GRID1: variants seen among roughly 807,000 people sequenced by gnomAD.
GRID1 encodes the protein glutamate receptor ionotropic, delta-1.
In GRID1, 28 loss-of-function variants were observed where a neutral mutation model predicts 98.0. The observed-to-expected ratio is 0.29, with a 90% CI of 0.21 to 0.39. The LOEUF is 0.39. GRID1 is among the 10% of genes least tolerant of loss of function. GRID1 has a pLI of 1.00. For missense variants in GRID1, 1,111 were observed against 1,340.5 expected (o/e 0.83, Z 2.67); for synonymous variants, 553 against 538.5 (o/e 1.03, Z -0.37).
intron 2 of GRID1, among the ~76,000 whole-genome samples, chr10:86,341,448 A>G (rs1287673682): frequency 6.6e-6 from 1 of 152,034 alleles, no homozygotes; most frequent in Non-Finnish European, 1.5e-5. Flanking sequence ...GCTTAGGGAA[A>G]TGCTTAACCA....
chr10:85,627,938 C>A (rs543217070), intron 13 of GRID1, among the ~76,000 whole-genome samples: 1 of 152,188 alleles, frequency 6.6e-6, no homozygotes, highest in Non-Finnish European at 1.5e-5. Context: ...CACTCCCCCA[C>A]CTTCACCAAG....
intron 5 of GRID1, among the ~76,000 whole-genome samples, chr10:85,884,558 T>C (rs554768442): frequency 6.5e-4 from 99 of 152,318 alleles, no homozygotes; most frequent in African/African-American, 2.3e-3. Flanking sequence ...ACTGAAAGAA[T>C]GTAAACATTC....
intron 4 of GRID1, among the ~76,000 whole-genome samples, chr10:85,949,097 A>C (rs2131842516): frequency 6.6e-6 from 1 of 152,298 alleles, no homozygotes; most frequent in East Asian, 1.9e-4. Flanking sequence ...TGCTTCTCCC[A>C]GGAGGGTACT....
At chr10:85,706,516 C>T (rs979748486) in intron 12 of GRID1, among the ~76,000 whole-genome samples, 3 of 152,064 alleles carry the variant, frequency 2.0e-5, no homozygotes, top group African/African-American at 7.2e-5. Flanking sequence ...GAATCAATAT[C>T]GTGAAAATGG....
chr10:85,815,516 T>C (rs542291391), intron 8 of GRID1, among the ~76,000 whole-genome samples: 1 of 152,142 alleles, frequency 6.6e-6, no homozygotes, highest in East Asian at 1.9e-4. Context: ...TATATTAAAA[T>C]CTACTAGTAA....
At position 86,325,714 on chromosome 10, in the gene GRID1, T is replaced by C. The variant is rs187941658; in HGVS notation, c.235+38227A>G. Among the ~76,000 whole-genome samples the C allele has an allele frequency of 1.7e-3, 257 of 152,310 alleles. 2 individuals are homozygous for C. Among genetic ancestry groups the C allele is most frequent in the Non-Finnish European group, 1.0e-3 (68 of 68,022 alleles). On this transcript the variant is annotated intron_variant, in intron 2 of 15. Coordinates refer to ENST00000327946, the MANE Select transcript of GRID1 (RefSeq NM_017551.3). Reference sequence around the variant, plus strand: ...AAATTAATTTGAATTGAGCACCTATTGGAATGTGGCTAAAATCATACTCTT... The same window carrying C: ...AAATTAATTTGAATTGAGCACCTATCGGAATGTGGCTAAAATCATACTCTT...
At chr10:85,990,003 G>A (rs1938733025) in intron 4 of GRID1, among the ~76,000 whole-genome samples, 1 of 152,130 alleles carries the variant, frequency 6.6e-6, no homozygotes, top group Admixed American at 6.5e-5. Context: ...CTGTGAACCA[G>A]GAAGCAAGCC....
At chr10:85,808,878 A>G (rs1218639989) in intron 8 of GRID1, among the ~76,000 whole-genome samples, 4 of 152,194 alleles carry the variant, frequency 2.6e-5, no homozygotes, top group Non-Finnish European at 5.9e-5. Context: ...ATCAAGAGAT[A>G]AAATAGTCAA....
Position 85,600,907 on chromosome 10 carries a change from T to C in GRID1, c.*1366A>G, listed in dbSNP as rs1353472062. On this transcript the variant is annotated 3_prime_UTR_variant, in exon 16 of 16. Transcript: ENST00000327946. Reference sequence around the variant, plus strand: ...GGGAGGGCCCCTGCTCTGGGTTGGATTGCTGCTTGAAGAGGACTCCAGGTC... The same window carrying C: ...GGGAGGGCCCCTGCTCTGGGTTGGACTGCTGCTTGAAGAGGACTCCAGGTC... 6.6e-6 allele frequency: 1 copy of C among 152,366 alleles called. No individual in the cohort carries two copies. The highest frequency in any genetic ancestry group is 1.5e-5 in the Non-Finnish European group (1 of 68,196). 9.4% of individuals were successfully genotyped at this position (152,366 alleles called of 1,614,324 possible).
intron 2 of GRID1, among the ~76,000 whole-genome samples, chr10:86,281,294 G>A (rs997486252): frequency 1.3e-5 from 2 of 152,218 alleles, no homozygotes; most frequent in Admixed American, 6.5e-5. Flanking sequence ...CCTGCCTGAC[G>A]CTGAGCTGCT....
intron 4 of GRID1, among the ~76,000 whole-genome samples, chr10:86,062,597 G>T (rs1327570203): frequency 6.6e-6 from 1 of 152,188 alleles, no homozygotes; most frequent in Non-Finnish European, 1.5e-5. Flanking sequence ...ACTGTCATGG[G>T]GAGTCTGTGT....
chr10:86,261,714 A>G (rs573128030), intron 2 of GRID1, among the ~76,000 whole-genome samples: 1 of 152,280 alleles, frequency 6.6e-6, no homozygotes, highest in East Asian at 1.9e-4. Flanking sequence ...ATCCTGCTGG[A>G]TGCAGCAAAA....
chr10:85,747,201 G>A (rs1370914298), intron 8 of GRID1, among the ~76,000 whole-genome samples: 1 of 152,206 alleles, frequency 6.6e-6, no homozygotes, highest in East Asian at 1.9e-4. Flanking sequence ...CTGAATCAAA[G>A]CCCATGGGGT....
intron 4 of GRID1, among the ~76,000 whole-genome samples, chr10:85,945,879 C>T (rs1455763814): frequency 6.6e-6 from 1 of 152,134 alleles, no homozygotes; most frequent in African/African-American, 2.4e-5. Context: ...TCAGCAACAA[C>T]AATTAAAAAT....
chr10:85,941,198 T>C (rs1299799193), intron 4 of GRID1, among the ~76,000 whole-genome samples: 3 of 152,208 alleles, frequency 2.0e-5, no homozygotes, highest in Admixed American at 6.5e-5. Flanking sequence ...GTAAGTTATT[T>C]AACCTTTCTG....
At chr10:85,919,904 A>G (rs189846418) in intron 4 of GRID1, among the ~76,000 whole-genome samples, 55 of 151,272 alleles carry the variant, frequency 3.6e-4, no homozygotes, top group Non-Finnish European at 7.7e-4. Flanking sequence ...AGCATTTTTT[A>G]TTACACTGAC....
intron 2 of GRID1, among the ~76,000 whole-genome samples, chr10:86,323,528 C>T (rs1433796118): frequency 6.6e-6 from 1 of 152,194 alleles, no homozygotes; most frequent in African/African-American, 2.4e-5. Flanking sequence ...TGTGAAGATA[C>T]AGAAAATTCA....
At chr10:86,202,366 C>T (rs1845966672) in intron 3 of GRID1, among the ~76,000 whole-genome samples, 1 of 152,372 alleles carries the variant, frequency 6.6e-6, no homozygotes, top group South Asian at 2.1e-4. Flanking sequence ...ATAATTACAA[C>T]CTTCATCCAA....
chr10:85,735,405 C>T (rs764556902), intron 8 of GRID1, among the ~76,000 whole-genome samples: 56 of 152,134 alleles, frequency 3.7e-4, no homozygotes, highest in Non-Finnish European at 6.3e-4. Context: ...GCCTCAAAAT[C>T]TGATTATGAC....
Sources: allele counts gnomAD v4.1 joint callset (sites outside exome capture counted in the v4.1 genomes callset), GRCh38; gene constraint gnomAD v4.1.1; transcripts MANE v1.5; gene names NCBI Gene and HGNC (gene_info 2026-07-23, HGNC 2026-07-21).